Variants in NUMB observed in about 807,000 individuals in gnomAD.
The protein encoded by NUMB is protein numb homolog.
NUMB carries 29 observed loss-of-function variants against 59.7 expected under a neutral mutation model. The ratio of observed to expected loss-of-function variants is 0.49; its 90% confidence interval spans 0.36 to 0.66. NUMB has a LOEUF of 0.66. Ranked by LOEUF, NUMB falls within the 30% of genes least tolerant of loss-of-function variation. The probability of loss-of-function intolerance (pLI) is 0.00; values close to 1 mark genes in which losing one functional copy is unlikely to be tolerated. For synonymous variants in NUMB, 288 were observed against 288.2 expected (o/e 1.00, Z 0.01); for missense variants, 723 against 822.0 (o/e 0.88, Z 1.47).
At position 73,330,496 on chromosome 14, in the gene NUMB, C is replaced by T. The variant is rs138523834; in HGVS notation, c.127-7292G>A. Among the ~76,000 whole-genome samples the T allele has an allele frequency of 3.9e-4, 60 of 152,268 alleles. No homozygotes were observed. In the East Asian group the frequency reaches 8.3e-3, roughly 21 times the overall value. On this transcript the variant is annotated intron_variant, in intron 4 of 12. Coordinates refer to ENST00000555238, the MANE Select transcript of NUMB (RefSeq NM_001005743.2). ...TAGGGATCAAATCCTTGATTTGCAG[C>T]TTTCTGGCTTCATGGTCTTGGGCAA...
intron 6 of NUMB, among the ~76,000 whole-genome samples, chr14:73,303,963 A>G (rs924776885): frequency 3.9e-5 from 6 of 152,230 alleles, no homozygotes; most frequent in African/African-American, 9.6e-5. Context: ...TAAAATTATT[A>G]TCTTCCTTAA....
At position 73,313,845 on chromosome 14, in the gene NUMB, T is replaced by C. The variant is rs147176340; in HGVS notation, c.234+2545A>G. Among the ~76,000 whole-genome samples, 441 of 150,072 alleles carry C rather than the reference T, an allele frequency of 2.9e-3. 2 individuals are homozygous for C. Among genetic ancestry groups the C allele is most frequent in the Middle Eastern group, 0.02 (6 of 294 alleles). Reference sequence around the variant, plus strand: ...TTTTTTGAGATGGAATCTCTCTCTGTCACCGAGGCTGGAGTGCAATGGCAT... The same window carrying C: ...TTTTTTGAGATGGAATCTCTCTCTGCCACCGAGGCTGGAGTGCAATGGCAT... On this transcript the variant is annotated intron_variant, in intron 6 of 12. Coordinates refer to ENST00000555238, the MANE Select transcript of NUMB (RefSeq NM_001005743.2).
At position 73,277,325 on chromosome 14, in the gene NUMB, C is replaced by T. The variant is rs767399092; in HGVS notation, c.1241-32G>A. 16 of 1,478,726 alleles carry T rather than the reference C, an allele frequency of 1.1e-5. No homozygotes were observed. In the Admixed American group the frequency reaches 2.5e-4, roughly 23 times the overall value. The allele number at this position is 1,478,726 out of a possible 1,614,324, so 91.6% of individuals were successfully genotyped here. A position where few individuals can be genotyped will look rare whatever the true frequency, so the allele number is the denominator to read the frequency against. On this transcript the variant is annotated intron_variant, in intron 12 of 12. Coordinates refer to ENST00000555238, the MANE Select transcript of NUMB (RefSeq NM_001005743.2). ...CCAACAAGATGAGAGACAAAAGAAT[C>T]AGTTAGGGGCATCTTTCCTCACCTT...
At chr14:73,359,388 T>C (rs997022987) in intron 3 of NUMB, among the ~76,000 whole-genome samples, 6 of 152,164 alleles carry the variant, frequency 3.9e-5, no homozygotes, top group Non-Finnish European at 8.8e-5. Context: ...ACTTTAGAGA[T>C]AAAAATACAT....
chr14:73,398,743 T>C (rs1049213434), intron 2 of NUMB, among the ~76,000 whole-genome samples: 3 of 152,072 alleles, frequency 2.0e-5, no homozygotes, highest in Admixed American at 6.6e-5. Context: ...AGACCAAATA[T>C]TGGTGAATAT....
chr14:73,284,207 C>T lies in NUMB; in HGVS notation c.823G>A (p.Gly275Ser), dbSNP rs139669001. 6 of 1,614,018 alleles carry T rather than the reference C, an allele frequency of 3.7e-6. No individual in the cohort carries two copies. The highest frequency in any genetic ancestry group is 5.1e-6 in the Non-Finnish European group (6 of 1,180,046). Reference protein sequence around the residue: ...HAPIEQLARQGSFRGFPALSQ... With the variant: ...HAPIEQLARQSSFRGFPALSQ... ...AGAGCAGGAAAACCTCGGAAAGAGCCTTGGCGAGCAAGCTGTTCAATTGGA... is the reference window on the plus strand; with the variant it reads ...AGAGCAGGAAAACCTCGGAAAGAGCTTTGGCGAGCAAGCTGTTCAATTGGA... Residue 275 changes from glycine to serine, a missense_variant, in exon 10 of 13, where the codon GGC becomes AGC. Coordinates refer to ENST00000555238, the MANE Select transcript of NUMB (RefSeq NM_001005743.2).
At chr14:73,314,947 A>G (rs1441699530) in intron 6 of NUMB, among the ~76,000 whole-genome samples, 1 of 152,144 alleles carries the variant, frequency 6.6e-6, no homozygotes, top group African/African-American at 2.4e-5. Flanking sequence ...GCTACACAGG[A>G]AATAATAAGA....
At chr14:73,375,087 A>G (rs1409481519) in intron 2 of NUMB, among the ~76,000 whole-genome samples, 2 of 152,150 alleles carry the variant, frequency 1.3e-5, no homozygotes, top group East Asian at 1.9e-4. Flanking sequence ...ATGACTTGTC[A>G]GCCTGGCCTA....
intron 1 of NUMB, among the ~76,000 whole-genome samples, chr14:73,445,999 CTTTTT>C (rs746539232): frequency 7.2e-6 from 1 of 139,858 alleles, no homozygotes. Flanking sequence ...ATAACTTTTT[CTTTTT>C]TTTTTTTTTT....
At chr14:73,379,919 G>C (rs1895148013) in intron 2 of NUMB, among the ~76,000 whole-genome samples, 1 of 152,152 alleles carries the variant, frequency 6.6e-6, no homozygotes. Context: ...GCTACTAAAG[G>C]GTTCTGAGAG....
chr14:73,449,215 G>A (rs1016681862), intron 1 of NUMB, among the ~76,000 whole-genome samples: 1 of 152,056 alleles, frequency 6.6e-6, no homozygotes, highest in Non-Finnish European at 1.5e-5. Context: ...ATAATTCAAA[G>A]TATACGGGAG....
At chr14:73,284,830 CTTTATTTATTTATTTA>C (rs61083636) in intron 9 of NUMB, 2 of 151,238 alleles carry the variant, frequency 1.3e-5, no homozygotes, top group Admixed American at 1.3e-4. Context: ...ATATAACAGT[CTTTATTTATTTATTTA>C]TTTATTTATT....
chr14:73,303,557 C>G (rs1890263113), intron 6 of NUMB, among the ~76,000 whole-genome samples: 1 of 152,044 alleles, frequency 6.6e-6, no homozygotes, highest in Admixed American at 6.6e-5. Flanking sequence ...GCACTCCAGT[C>G]TGGGTGACAG....
intron 2 of NUMB, among the ~76,000 whole-genome samples, chr14:73,388,077 T>A (rs1895647841): frequency 6.6e-6 from 1 of 152,018 alleles, no homozygotes; most frequent in African/African-American, 2.4e-5. Flanking sequence ...ACTTCCAGCT[T>A]GGGCGACCAA....
chr14:73,284,667 T>TGA (rs900526391), intron 9 of NUMB: 1 of 253,310 alleles, frequency 3.9e-6, no homozygotes, highest in African/African-American at 2.3e-5. Flanking sequence ...TCAGTTCCTA[T>TGA]GAATTCCTAA....
intron 2 of NUMB, among the ~76,000 whole-genome samples, chr14:73,371,625 T>C (rs963785173): frequency 2.6e-5 from 4 of 152,156 alleles, no homozygotes; most frequent in East Asian, 1.9e-4. Context: ...ATGACTTGAA[T>C]AGGTCCCCCC....
At chr14:73,342,274 T>C (rs1378291627) in intron 4 of NUMB, among the ~76,000 whole-genome samples, 2 of 152,238 alleles carry the variant, frequency 1.3e-5, no homozygotes, top group Admixed American at 1.3e-4. Flanking sequence ...AATTTAGCTA[T>C]GAAGACGATG....
chr14:73,325,549 T>C (rs1012975368), intron 4 of NUMB, among the ~76,000 whole-genome samples: 16 of 152,228 alleles, frequency 1.1e-4, no homozygotes, highest in Admixed American at 2.6e-4. Context: ...GCAACTTCAA[T>C]CTATGCTTCT....
intron 2 of NUMB, among the ~76,000 whole-genome samples, chr14:73,395,383 G>T (rs1162696039): frequency 1.4e-5 from 2 of 147,052 alleles, no homozygotes; most frequent in Non-Finnish European, 3.0e-5. Context: ...AACACTTTGG[G>T]AGGCAGAGGT....
Sources: allele counts gnomAD v4.1 joint callset (sites outside exome capture counted in the v4.1 genomes callset), GRCh38; gene constraint gnomAD v4.1.1; transcripts MANE v1.5; gene names NCBI Gene and HGNC (gene_info 2026-07-23, HGNC 2026-07-21).